The following HOMER3 variants were observed in gnomAD, a reference collection of about 807,000 sequenced individuals.
The protein encoded by HOMER3 is homer scaffold protein 3.
HOMER3 carries 34 observed loss-of-function variants against 45.5 expected under a neutral mutation model. The observed-to-expected ratio is 0.75, with a 90% CI of 0.57 to 1.00. The LOEUF (loss-of-function observed/expected upper bound fraction) is 1.00, where lower values mean the gene tolerates loss of function less well. HOMER3 is among the 50% of genes least tolerant of loss of function. The pLI is 0.00. For missense variants in HOMER3, 480 were observed against 497.5 expected (o/e 0.96, Z 0.33); for synonymous variants, 223 against 208.8 (o/e 1.07, Z -0.58).
intron 1 of HOMER3, chr19:18,940,784 C>T (rs1014163837): frequency 2.0e-5 from 3 of 152,026 alleles, no homozygotes; most frequent in Non-Finnish European, 4.4e-5. Flanking sequence ...CAGTACCCCA[C>T]CCCAGGTCCG....
intron 9 of HOMER3, among the ~76,000 whole-genome samples, chr19:18,930,177 A>T (rs1448030095): frequency 6.8e-6 from 1 of 146,668 alleles, no homozygotes; most frequent in Non-Finnish European, 1.5e-5. Context: ...TTGAGCTCAG[A>T]AGGCGGAGCT....
chr19:18,938,406 G>C lies in HOMER3; in HGVS notation c.250C>G (p.Arg84Gly). ...CCCAGGCCGTAGACTGTGTTGGCGCGACTGTCGGCCCACTGCCCGAACTTC... is the reference window on the plus strand; with the variant it reads ...CCCAGGCCGTAGACTGTGTTGGCGCCACTGTCGGCCCACTGCCCGAACTTC... Reference protein sequence around the residue: ...SQKFGQWADSRANTVYGLGFA... With the variant: ...SQKFGQWADSGANTVYGLGFA... Residue 84 changes from arginine (R) to glycine (G), a missense_variant, in exon 4 of 10, where the codon CGC becomes GGC. Physicochemically the swap from Arg to Gly is moderately radical, Grantham distance 125. Coordinates refer to ENST00000392351, the MANE Select transcript of HOMER3 (RefSeq NM_004838.4). 1 of 1,614,086 alleles carries C rather than the reference G, an allele frequency of 6.2e-7. No individual in the cohort carries two copies. The highest frequency in any genetic ancestry group is 8.5e-7 in the Non-Finnish European group (1 of 1,179,966).
chr19:18,937,484 C>T (rs1181142138), intron 4 of HOMER3, among the ~76,000 whole-genome samples: 1 of 151,586 alleles, frequency 6.6e-6, no homozygotes, highest in African/African-American at 2.4e-5. Context: ...CAAGACCACC[C>T]TGGCCAACAA....
intron 1 of HOMER3, chr19:18,939,771 G>C (rs73529168): frequency 0.049 from 7,477 of 152,370 alleles, 587 homozygotes; most frequent in African/African-American, 0.17. Flanking sequence ...GAGGTGTGTA[G>C]TACCAGGAGA....
chr19:18,939,816 C>T (rs73529169), intron 1 of HOMER3: 1 of 152,424 alleles, frequency 6.6e-6, no homozygotes, highest in Non-Finnish European at 1.5e-5. Flanking sequence ...AGGGACCCCA[C>T]CCCCAGCAGC....
chr19:18,933,711 C>T (rs2057062799), intron 5 of HOMER3, among the ~76,000 whole-genome samples: 1 of 147,580 alleles, frequency 6.8e-6, no homozygotes. Context: ...TTCTTTCTTT[C>T]TTTTTTTTTT....
At chr19:18,938,331 C>T (rs748352179) in intron 4 of HOMER3, 22 bp downstream of exon 4, 1 of 1,594,414 alleles carries the variant, frequency 6.3e-7, no homozygotes, top group Non-Finnish European at 8.6e-7. Context: ...GTTCCCTCCA[C>T]TCTCCCCCTC....
rs2057098575 is a variant in HOMER3, at chr19:18,936,837, A to C, written c.303+1516T>G. Among the ~76,000 whole-genome samples, 4 of 151,882 alleles carry C rather than the reference A, an allele frequency of 2.6e-5. No homozygotes were observed. In the South Asian group the frequency reaches 8.3e-4, roughly 32 times the overall value. On this transcript the variant is annotated intron_variant, in intron 4 of 9. Transcript: ENST00000392351. ...ACCCCCGTCTCTATTAAAAATACAA[A>C]AAAAATTAGCAGGGCGTGGTGGCAG...
intron 9 of HOMER3, 139 bp from the exon 10 acceptor site, chr19:18,929,773 C>T: frequency 4.9e-6 from 3 of 614,534 alleles, no homozygotes; most frequent in South Asian, 4.6e-5. Flanking sequence ...GAATAAAATG[C>T]ACACCCCACA....
At position 18,929,461 on chromosome 19, in the gene HOMER3, C is replaced by G; in HGVS notation, c.1068G>C (p.Leu356=). The G allele has an allele frequency of 6.3e-7, 1 of 1,595,434 alleles. No individual in the cohort carries two copies. ...CCCCGGCTCAGGGCGCAGCCTCAGC[C>G]AGGCGGGCCAGGCCCTCACGCAGCT... ...LSELREGLAR[L]AEAAP Residue 356 remains leucine (L), a synonymous_variant, in exon 10 of 10, where the codon CTG becomes CTC. Transcript: ENST00000392351.
In HOMER3 at chr19:18,938,946, G is replaced by A. The variant is rs750189511; in HGVS notation, c.14+23C>T. Reference sequence around the variant, plus strand: ...CCCCCACTTAGAAAGCTCAGGGCCAGGCTGGGGGAGGTGGGAGCTCACCTG... The same window carrying A: ...CCCCCACTTAGAAAGCTCAGGGCCAAGCTGGGGGAGGTGGGAGCTCACCTG... On this transcript the variant is annotated intron_variant, in intron 2 of 9. Coordinates refer to ENST00000392351, the MANE Select transcript of HOMER3 (RefSeq NM_004838.4). 13 of 1,607,030 alleles carry A rather than the reference G, an allele frequency of 8.1e-6. No individual in the cohort carries two copies. The South Asian group carries it at 1.4e-4, about 18-fold the overall frequency.
At chr19:18,933,767 C>T (rs1474448648) in intron 5 of HOMER3, among the ~76,000 whole-genome samples, 4 of 151,956 alleles carry the variant, frequency 2.6e-5, no homozygotes, top group Admixed American at 6.6e-5. Context: ...TGCAGTGGCA[C>T]GATCTCGGCT....
chr19:18,938,555 C>T (rs1455107722), intron 3 of HOMER3, 71 bp from the exon 4 acceptor site: 10 of 1,561,248 alleles, frequency 6.4e-6, no homozygotes, highest in Middle Eastern at 1.7e-4. Context: ...CCAGGTATTA[C>T]CTTGTATTAG....
At chr19:18,931,715 A>G in intron 7 of HOMER3, 90 bp from the exon 8 acceptor site, 1 of 1,510,992 alleles carries the variant, frequency 6.6e-7, no homozygotes, top group Admixed American at 2.2e-5. Flanking sequence ...CTGTCTGGCC[A>G]CGCCCAGGAC....
chr19:18,931,825 T>C, intron 7 of HOMER3, 151 bp downstream of exon 7: 1 of 1,426,892 alleles, frequency 7.0e-7, no homozygotes, highest in Non-Finnish European at 9.2e-7. Context: ...CTCAAACCCA[T>C]TTTACAGAGC....
intron 1 of HOMER3, chr19:18,939,825 G>C (rs1425230864): frequency 1.3e-5 from 2 of 152,456 alleles, no homozygotes; most frequent in Non-Finnish European, 2.9e-5. Flanking sequence ...ACCCCCAGCA[G>C]CTCCCACCCT....
chr19:18,932,323 G>C (rs1362341856), intron 6 of HOMER3, among the ~76,000 whole-genome samples, 191 bp from the exon 7 acceptor site: 1 of 147,374 alleles, frequency 6.8e-6, no homozygotes, highest in Non-Finnish European at 1.5e-5. Flanking sequence ...CACTGGGCTG[G>C]GGGCGGAGTC....
chr19:18,936,621 G>A (rs1352000765), intron 4 of HOMER3, among the ~76,000 whole-genome samples: 3 of 151,516 alleles, frequency 2.0e-5, no homozygotes, highest in African/African-American at 7.3e-5. Context: ...AGCCGAGATC[G>A]GGCCACTGCA....
chr19:18,936,342 A>AAATG (rs1200775162), intron 4 of HOMER3, among the ~76,000 whole-genome samples: 3 of 149,268 alleles, frequency 2.0e-5, no homozygotes, highest in African/African-American at 7.4e-5. Flanking sequence ...ATAAATAAAT[A>AAATG]AATGATTTTT....
Sources: gnomAD v4.1 joint callset for allele counts (sites outside exome capture counted in the v4.1 genomes callset) on GRCh38, gnomAD v4.1.1 for gene constraint, MANE v1.5 for transcripts, NCBI Gene and HGNC (gene_info 2026-07-23, HGNC 2026-07-21) for gene names.